The following XYLT1 variants were observed in gnomAD, a reference collection of about 807,000 sequenced individuals.
The protein encoded by XYLT1 is xylosyltransferase 1.
In XYLT1, 36 loss-of-function variants were observed where a neutral mutation model predicts 91.3. The observed-to-expected ratio is 0.39, with a 90% CI of 0.30 to 0.52. The LOEUF (loss-of-function observed/expected upper bound fraction) is 0.52. Among genes scored for constraint, XYLT1 ranks in the 20% least tolerant of loss-of-function variants. XYLT1 has a pLI of 0.68. For synonymous variants in XYLT1, 588 were observed against 532.0 expected (o/e 1.11, Z -1.45); for missense variants, 1,242 against 1,284.5 (o/e 0.97, Z 0.51).
At chr16:17,283,269 T>C (rs1049020938) in intron 2 of XYLT1, among the ~76,000 whole-genome samples, 2 of 152,202 alleles carry the variant, frequency 1.3e-5, no homozygotes, top group African/African-American at 4.8e-5. Context: ...CTCTTCTGTT[T>C]AGCTGTAATA....
At chr16:17,303,724 GC>G (rs1466891978) in intron 2 of XYLT1, among the ~76,000 whole-genome samples, 1 of 152,158 alleles carries the variant, frequency 6.6e-6, no homozygotes, top group Non-Finnish European at 1.5e-5. Context: ...AACACATTCA[GC>G]CTTTTCACTC....
rs1228539909 is a variant in XYLT1 at position 17,188,317 on chromosome 16, TCA to T, written c.1289+9893_1289+9894del. ...TCACTCTCCCCTAAAACCTCACCGC[TCA>T]CAGACTGAGGCTTTAGTGACCCAAC... On this transcript the variant is annotated intron_variant, in intron 5 of 11. Coordinates refer to ENST00000261381, the MANE Select transcript of XYLT1 (RefSeq NM_022166.4). Among the ~76,000 whole-genome samples the T allele has an allele frequency of 4.6e-5, 7 of 152,264 alleles. No individual in the cohort carries two copies. The East Asian group carries it at 1.2e-3, about 25-fold the overall frequency.
intron 5 of XYLT1, among the ~76,000 whole-genome samples, chr16:17,175,665 C>A (rs2031926835): frequency 6.6e-6 from 1 of 152,184 alleles, no homozygotes; most frequent in South Asian, 2.1e-4. Flanking sequence ...GGTATCTGCT[C>A]CATGACATCA....
At chr16:17,151,974 G>A (rs190093492) in intron 6 of XYLT1, among the ~76,000 whole-genome samples, 14 of 152,188 alleles carry the variant, frequency 9.2e-5, no homozygotes, top group African/African-American at 3.4e-4. Context: ...CAGGGCTCAC[G>A]TCACTGAATC....
chr16:17,424,148 T>C (rs1383355159), intron 1 of XYLT1, among the ~76,000 whole-genome samples: 1 of 152,234 alleles, frequency 6.6e-6, no homozygotes, highest in African/African-American at 2.4e-5. Flanking sequence ...TCTGAAAAGC[T>C]GATGCAAATA....
At chr16:17,173,782 GATC>G (rs1262390405) in intron 5 of XYLT1, among the ~76,000 whole-genome samples, 1 of 152,202 alleles carries the variant, frequency 6.6e-6, no homozygotes, top group Non-Finnish European at 1.5e-5. Context: ...TAGGTTTAAA[GATC>G]ATCTCTACTC....
chr16:17,383,109 ATGG>A (rs2035701891), intron 1 of XYLT1, among the ~76,000 whole-genome samples: 1 of 151,778 alleles, frequency 6.6e-6, no homozygotes, highest in Non-Finnish European at 1.5e-5. Context: ...CAGGCTTCCC[ATGG>A]AGAGAGTGAG....
Position 17,259,345 on chromosome 16 carries a change from G to A in XYLT1, c.556C>T (p.Pro186Ser). 1 of 1,614,096 alleles carries A rather than the reference G, an allele frequency of 6.2e-7. No individual in the cohort carries two copies. Among genetic ancestry groups the A allele is most frequent in the Non-Finnish European group, 8.5e-7 (1 of 1,180,030 alleles). The change falls in exon 3 of 12, where the codon CCG (proline) becomes TCG (serine). Residue 186 changes from proline to serine, a missense_variant. By Grantham distance (74) the Pro-to-Ser change is moderately conservative. This residue lies in a region of XYLT1 where 437 missense variants were observed against 411.5 expected (regional missense o/e 1.06). Coordinates refer to ENST00000261381, the MANE Select transcript of XYLT1 (RefSeq NM_022166.4). ...TTCAAAAGCTCCTTCTGTCTACTCG[G>A]TGGCTTCTTCGCCAACTCAGGCTGG... ...KHQPELAKKPPSRQKELLKRK... is the reference protein window; with the variant it reads ...KHQPELAKKPSSRQKELLKRK...
At chr16:17,438,311 T>G (rs563348924) in intron 1 of XYLT1, among the ~76,000 whole-genome samples, 15 of 152,326 alleles carry the variant, frequency 9.8e-5, no homozygotes, top group African/African-American at 3.6e-4. Flanking sequence ...AGCCATTATT[T>G]CATTCAATAT....
chr16:17,336,344 A>AT (rs1415041031), intron 2 of XYLT1, among the ~76,000 whole-genome samples: 3 of 152,184 alleles, frequency 2.0e-5, no homozygotes, highest in Non-Finnish European at 4.4e-5. Flanking sequence ...CTGTCATCTG[A>AT]TTCTGTTTTC....
intron 2 of XYLT1, among the ~76,000 whole-genome samples, chr16:17,339,506 TGTA>T (rs2141845696): frequency 6.6e-6 from 1 of 152,360 alleles, no homozygotes; most frequent in African/African-American, 2.4e-5. Context: ...AAGAAGCAAA[TGTA>T]TTATTACTCC....
intron 2 of XYLT1, among the ~76,000 whole-genome samples, chr16:17,284,587 C>G (rs1177712406): frequency 6.6e-6 from 1 of 152,176 alleles, no homozygotes. Flanking sequence ...AAACACATAC[C>G]GGGCAAAAGG....
intron 1 of XYLT1, among the ~76,000 whole-genome samples, chr16:17,403,887 C>T (rs1386289637): frequency 1.3e-5 from 2 of 152,216 alleles, no homozygotes; most frequent in East Asian, 3.8e-4. Context: ...TTCATAAGGG[C>T]TAGAAGAGCA....
intron 2 of XYLT1, among the ~76,000 whole-genome samples, chr16:17,322,979 CA>C (rs2034746559): frequency 6.6e-6 from 1 of 152,220 alleles, no homozygotes; most frequent in Admixed American, 6.5e-5. Flanking sequence ...GGCAAAACAG[CA>C]GCTGGTGCCA....
At chr16:17,217,768 G>A (rs940594859) in intron 3 of XYLT1, among the ~76,000 whole-genome samples, 5 of 152,158 alleles carry the variant, frequency 3.3e-5, no homozygotes, top group African/African-American at 1.2e-4. Context: ...GCGGCCAGGG[G>A]AGGAGAGAGA....
intron 1 of XYLT1, among the ~76,000 whole-genome samples, chr16:17,466,372 C>T (rs929542005): frequency 2.6e-5 from 4 of 152,060 alleles, no homozygotes; most frequent in East Asian, 1.9e-4. Flanking sequence ...AGCTCTGGAG[C>T]GGGGTGTGGG....
intron 2 of XYLT1, among the ~76,000 whole-genome samples, chr16:17,283,132 G>A (rs1372910052): frequency 1.3e-5 from 2 of 152,246 alleles, no homozygotes; most frequent in South Asian, 2.1e-4. Flanking sequence ...TCCCGTCCTC[G>A]CTTGGAAGGA....
Position 17,470,662 on chromosome 16 carries a change from G to A in XYLT1, c.135C>T (p.Arg45=). Residue 45 remains arginine (R), a synonymous_variant, in exon 1 of 12, where the codon CGC becomes CGT. Transcript: ENST00000261381. ...FSSLDSGAGE[R]RGGAAVGGGE... ...CGCCGCCGACCGCTGCGCCCCCGCGGCGCTCCCCGGCCCCGGAGTCGAGGC... is the reference window on the plus strand; with the variant it reads ...CGCCGCCGACCGCTGCGCCCCCGCGACGCTCCCCGGCCCCGGAGTCGAGGC... 1 of 1,136,716 alleles carries A rather than the reference G, an allele frequency of 8.8e-7. No individual in the cohort carries two copies. The highest frequency in any genetic ancestry group is 1.1e-6 in the Non-Finnish European group (1 of 911,228). 70.4% of individuals were successfully genotyped at this position (1,136,716 alleles called of 1,614,324 possible). A position where few individuals can be genotyped will look rare whatever the true frequency, so the allele number is the denominator to read the frequency against.
intron 1 of XYLT1, among the ~76,000 whole-genome samples, chr16:17,414,356 G>T (rs1236918585): frequency 6.6e-6 from 1 of 151,978 alleles, no homozygotes; most frequent in Non-Finnish European, 1.5e-5. Flanking sequence ...TTAGAGACAG[G>T]GTCTTGCTCT....
Sources: allele counts gnomAD v4.1 joint callset (sites outside exome capture counted in the v4.1 genomes callset), GRCh38; gene constraint gnomAD v4.1.1; regional missense constraint gnomAD v4.1.1; transcripts MANE v1.5; gene names NCBI Gene and HGNC (gene_info 2026-07-23, HGNC 2026-07-21).